Variants in SUN1 observed in about 807,000 individuals in gnomAD.
SUN1 encodes SUN domain-containing protein 1.
In SUN1, 61 loss-of-function variants were observed where a neutral mutation model predicts 103.2. The ratio of observed to expected loss-of-function variants is 0.59; its 90% CI spans 0.48 to 0.73. The LOEUF (loss-of-function observed/expected upper bound fraction) is 0.73, where lower values mean the gene tolerates loss of function less well. Ranked by LOEUF, SUN1 falls within the 30% of genes least tolerant of loss-of-function variation. The probability of loss-of-function intolerance (pLI) is 0.00; values close to 1 mark genes in which losing one functional copy is unlikely to be tolerated. For missense variants in SUN1, 1,052 were observed against 1,034.6 expected (o/e 1.02, Z -0.23); for synonymous variants, 490 against 425.7 (o/e 1.15, Z -1.86).
intron 14 of SUN1, 123 bp from the exon 15 acceptor site, chr7:861,257 C>G: frequency 1.1e-6 from 1 of 947,382 alleles, no homozygotes; most frequent in Non-Finnish European, 1.6e-6. Flanking sequence ...CCTAGGAACC[C>G]TACATAGTTT....
upstream of SUN1, chr7:832,023 C>T (rs947428739): frequency 8.1e-6 from 8 of 987,420 alleles, no homozygotes; most frequent in Non-Finnish European, 9.6e-6. Flanking sequence ...CCTGCAGTTT[C>T]TTTTCTGATT....
intron 1 of SUN1, among the ~76,000 whole-genome samples, chr7:824,790 G>T (rs868006936): frequency 6.6e-6 from 1 of 152,202 alleles, no homozygotes; most frequent in African/African-American, 2.4e-5. Context: ...ATCTTGGCTA[G>T]GAACTATCTG....
At chr7:836,541 A>T (rs1038268012) in intron 1 of SUN1, among the ~76,000 whole-genome samples, 1 of 152,164 alleles carries the variant, frequency 6.6e-6, no homozygotes, top group Non-Finnish European at 1.5e-5. Context: ...CAGCTGGCTC[A>T]TGGAAGAGCT....
At chr7:826,786 T>C (rs1792494513) in intron 1 of SUN1, among the ~76,000 whole-genome samples, 1 of 152,212 alleles carries the variant, frequency 6.6e-6, no homozygotes. Context: ...GCACAGGAAA[T>C]GCAGCCTGTG....
chr7:839,232 C>T, intron 2 of SUN1: 1 of 416,834 alleles, frequency 2.4e-6, no homozygotes, highest in Non-Finnish European at 4.2e-6. Context: ...TTCAAGTTCT[C>T]TTCGCTGGTG....
intron 12 of SUN1, among the ~76,000 whole-genome samples, 193 bp downstream of exon 12, chr7:856,594 A>G (rs1414843783): frequency 6.6e-6 from 1 of 152,148 alleles, no homozygotes; most frequent in Non-Finnish European, 1.5e-5. Context: ...GGCTTGCCAC[A>G]TCCCCCTCCA....
intron 13 of SUN1, among the ~76,000 whole-genome samples, chr7:858,158 G>T (rs113651925): frequency 6.6e-6 from 1 of 152,098 alleles, no homozygotes; most frequent in Admixed American, 6.5e-5. Flanking sequence ...GGGTTCAAGC[G>T]ATTCTCCCAC....
intron 1 of SUN1, among the ~76,000 whole-genome samples, chr7:823,583 G>A (rs1250372137): frequency 6.6e-6 from 1 of 152,190 alleles, no homozygotes; most frequent in Non-Finnish European, 1.5e-5. Context: ...TGGGAAGTGA[G>A]GAGGGAGAAG....
rs755410616 is a variant in SUN1, at chr7:853,416, G to A, written c.1061G>A (p.Ser354Asn). Residue 354 changes from serine (S) to asparagine (N), a missense_variant, in exon 10 of 19, where the codon AGT becomes AAT. Ser to Asn is a conservative substitution (Grantham distance 46). Transcript: ENST00000401592. ...TCTCTCTTGCCATTTCAGGGTGACA[G>A]TGAGGCTTTTCCGTGGCATTGGATG... The part of the protein sequence containing the change: ...SRLKQPLQGD[S>N]EAFPWHWMSG... The A allele has an allele frequency of 6.2e-7, 1 of 1,613,608 alleles. No individual in the cohort carries two copies. Among genetic ancestry groups the A allele is most frequent in the African/African-American group, 1.3e-5 (1 of 74,946 alleles).
intron 5 of SUN1, among the ~76,000 whole-genome samples, chr7:849,101 G>A (rs986368197): frequency 2.0e-5 from 3 of 152,196 alleles, no homozygotes; most frequent in South Asian, 4.1e-4. Context: ...ACAGGCGCAC[G>A]CCACCACGCC....
rs943111269 is a variant in SUN1 at position 865,995 on chromosome 7, C to G, written c.1908C>G (p.Thr636=). Residue 636 remains threonine, a synonymous_variant, in exon 16 of 19, where the codon ACC becomes ACG. Coordinates refer to ENST00000401592, the MANE Select transcript of SUN1 (RefSeq NM_001130965.3). ...LSTRCSETYE[T]KTALMSLFGI... ...CTCGCTGTTCTGAAACTTACGAAAC[C>G]AAAACGGCGCTGATGAGTCTGTTTG... 1 of 1,614,050 alleles carries G rather than the reference C, an allele frequency of 6.2e-7. No homozygotes were observed. Among genetic ancestry groups the G allele is most frequent in the African/African-American group, 1.3e-5 (1 of 75,040 alleles).
At position 860,375 on chromosome 7, in the gene SUN1, C is replaced by G. The variant is rs760823018; in HGVS notation, c.1772C>G (p.Thr591Arg). Residue 591 changes from threonine (T) to arginine (R), a missense_variant, in exon 14 of 19, where the codon ACA (threonine) becomes AGA (arginine). Around this residue, in one of 2 missense-constraint regions of SUN1, gnomAD observed 206 missense variants for 260.1 expected, o/e 0.79. Coordinates refer to ENST00000401592, the MANE Select transcript of SUN1 (RefSeq NM_001130965.3). ...AGCGAGGCGGGGGCGTCTGGAATAA[C>G]AGAGGCGGTGAGTCGGCGAGTCGGC... Reference protein sequence around the residue: ...AVSEAGASGITEAQARAIVNS... With the variant: ...AVSEAGASGIREAQARAIVNS... 2.5e-6 allele frequency: 4 copies of G among 1,612,522 alleles called. No individual in the cohort carries two copies. Among genetic ancestry groups the G allele is most frequent in the Non-Finnish European group, 3.4e-6 (4 of 1,178,754 alleles).
At position 832,502 on chromosome 7, in the gene SUN1, C is replaced by T. The variant is rs767257886; in HGVS notation, c.-23C>T. Reference sequence around the variant, plus strand: ...CTCTGCATTTCTTTCCCGCCCTCTGCAGTATGGTTTGAAGTGGTGAACATG... The same window carrying T: ...CTCTGCATTTCTTTCCCGCCCTCTGTAGTATGGTTTGAAGTGGTGAACATG... On this transcript the variant is annotated 5_prime_UTR_variant, in exon 1 of 19. Coordinates refer to ENST00000401592, the MANE Select transcript of SUN1 (RefSeq NM_001130965.3). The T allele has an allele frequency of 6.2e-7, 1 of 1,609,850 alleles. No individual in the cohort carries two copies. The highest frequency in any genetic ancestry group is 8.5e-7 in the Non-Finnish European group (1 of 1,177,828).
chr7:817,288 T>C (rs1781582244), intron 1 of SUN1: 1 of 801,398 alleles, frequency 1.2e-6, no homozygotes, highest in Non-Finnish European at 2.1e-6. Context: ...AGGGTTGTGG[T>C]CTCTCCATGC....
At position 873,419 on chromosome 7, in the gene SUN1, T is replaced by C. The variant is rs547386654; in HGVS notation, c.*88T>C. The stretch of plus-strand genomic sequence containing the variant: ...CCTTCATGGACGAGGGCATATACAA[T>C]GATGGGACAGTGCCACACTCCTTCA... On this transcript the variant is annotated 3_prime_UTR_variant, in exon 19 of 19. Coordinates refer to ENST00000401592, the MANE Select transcript of SUN1 (RefSeq NM_001130965.3). 55 of 1,221,366 alleles carry C rather than the reference T, an allele frequency of 4.5e-5. 1 individual carries two copies. The East Asian group carries it at 1.2e-3, about 28-fold the overall frequency. The allele number at this position is 1,221,366 out of a possible 1,614,324, so 75.7% of individuals were successfully genotyped here.
chr7:862,126 A>T (rs544456313), intron 15 of SUN1, among the ~76,000 whole-genome samples: 1 of 152,366 alleles, frequency 6.6e-6, no homozygotes, highest in South Asian at 2.1e-4. Context: ...ACGTCCGCTC[A>T]GGGAAGGTGT....
chr7:826,708 A>T (rs1027293051), intron 1 of SUN1, among the ~76,000 whole-genome samples: 6 of 152,118 alleles, frequency 3.9e-5, no homozygotes, highest in African/African-American at 1.4e-4. Context: ...ACGGTTTCTG[A>T]TGGGAACGCT....
At chr7:860,456 T>C (rs914246769) in intron 14 of SUN1, 74 bp downstream of exon 14, 11 of 1,569,790 alleles carry the variant, frequency 7.0e-6, no homozygotes, top group Non-Finnish European at 1.7e-6. Context: ...AGCTGTGAGG[T>C]GTGGATGTTG....
intron 15 of SUN1, among the ~76,000 whole-genome samples, chr7:864,760 C>CT (rs1835063678): frequency 1.2e-5 from 1 of 81,368 alleles, no homozygotes; most frequent in Admixed American, 1.4e-4. Context: ...TCTCGAGTAG[C>CT]TGGGACTACA....
Sources: gnomAD v4.1 joint callset for allele counts (sites outside exome capture counted in the v4.1 genomes callset) on GRCh38, gnomAD v4.1.1 for gene constraint, gnomAD v4.1.1 regional missense constraint, MANE v1.5 for transcripts, NCBI Gene and HGNC (gene_info 2026-07-23, HGNC 2026-07-21) for gene names.